The following N4BP2L2 variants were observed in gnomAD, a reference collection of about 807,000 sequenced individuals.
N4BP2L2 encodes NEDD4-binding protein 2-like 2.
A neutral mutation model predicts 56.2 loss-of-function variants in N4BP2L2; 50 were observed. The ratio of observed to expected loss-of-function variants is 0.89; its 90% CI spans 0.71 to 1.13. The LOEUF (loss-of-function observed/expected upper bound fraction) is 1.13. N4BP2L2 is among the 50% of genes most tolerant of loss of function. The probability of loss-of-function intolerance (pLI) is 0.00; values close to 1 mark genes in which losing one functional copy is unlikely to be tolerated. For missense variants in N4BP2L2, 689 were observed against 693.8 expected (o/e 0.99, Z 0.08); for synonymous variants, 203 against 223.6 (o/e 0.91, Z 0.82).
intron 6 of N4BP2L2, among the ~76,000 whole-genome samples, chr13:32,497,539 T>C (rs1262671230): frequency 6.6e-6 from 1 of 152,166 alleles, no homozygotes; most frequent in African/African-American, 2.4e-5. Flanking sequence ...TGGCCATCAC[T>C]GAAACTAAGA....
intron 9 of N4BP2L2, among the ~76,000 whole-genome samples, chr13:32,435,794 A>C (rs1300994257): frequency 6.6e-6 from 1 of 152,258 alleles, no homozygotes; most frequent in Non-Finnish European, 1.5e-5. Flanking sequence ...ATAAGTTAAA[A>C]TGAAAAAACG....
intron 3 of N4BP2L2, chr13:32,524,807 G>A (rs1372811753): frequency 6.6e-6 from 1 of 152,186 alleles, no homozygotes; most frequent in East Asian, 1.9e-4. Flanking sequence ...CTGTCACCCA[G>A]ACTGGAGTGC....
intron 6 of N4BP2L2, among the ~76,000 whole-genome samples, chr13:32,476,775 T>C (rs779180024): frequency 3.3e-5 from 5 of 152,204 alleles, no homozygotes; most frequent in Non-Finnish European, 7.3e-5. Flanking sequence ...ACATTCACTA[T>C]TTATAAAGAT....
intron 8 of N4BP2L2, chr13:32,436,440 T>C (rs374059938): frequency 7.1e-4 from 705 of 998,052 alleles, no homozygotes; most frequent in Non-Finnish European, 9.8e-4. Context: ...AAAATATTAA[T>C]ATTTGGCATT....
chr13:32,479,596 A>G (rs2084138212), intron 6 of N4BP2L2, among the ~76,000 whole-genome samples: 1 of 151,564 alleles, frequency 6.6e-6, no homozygotes, highest in Non-Finnish European at 1.5e-5. Context: ...TTATTAAAAC[A>G]ATGAAATTTT....
At chr13:32,494,939 C>T (rs1409490373) in intron 6 of N4BP2L2, among the ~76,000 whole-genome samples, 1 of 152,160 alleles carries the variant, frequency 6.6e-6, no homozygotes, top group East Asian at 1.9e-4. Context: ...AGACTTCTCC[C>T]TAAAACTGGC....
At chr13:32,472,370 G>A (rs1383167571) in intron 6 of N4BP2L2, among the ~76,000 whole-genome samples, 1 of 152,234 alleles carries the variant, frequency 6.6e-6, no homozygotes, top group Non-Finnish European at 1.5e-5. Flanking sequence ...TGGTACTGCA[G>A]AATCAGTGGC....
intron 5 of N4BP2L2, 71 bp downstream of exon 5, chr13:32,521,302 G>A: frequency 1.7e-6 from 2 of 1,177,446 alleles, no homozygotes; most frequent in African/African-American, 1.5e-5. Flanking sequence ...TCAATAAACT[G>A]TGAAAGGATG....
In N4BP2L2 at chr13:32,493,042, C is replaced by T. The variant is rs1183727378; in HGVS notation, c.365+24815G>A. On this transcript the variant is annotated intron_variant, in intron 6 of 9. Coordinates refer to the N4BP2L2 transcript ENST00000357505. ...GGTTGAAGTGATTCTCCTGCCTCAC[C>T]CTCCCGAGTAGCTGGGATTACAGGT... Among the ~76,000 whole-genome samples, 7 of 151,454 alleles carry T rather than the reference C, an allele frequency of 4.6e-5. No homozygotes were observed. The East Asian group carries it at 1.4e-3, about 29-fold the overall frequency.
chr13:32,435,851 T>C (rs1226977857), intron 9 of N4BP2L2, among the ~76,000 whole-genome samples: 2 of 152,276 alleles, frequency 1.3e-5, no homozygotes, highest in Non-Finnish European at 2.9e-5. Flanking sequence ...TGCAGACATA[T>C]ATGCACTGAA....
chr13:32,521,147 T>C (rs1256108227), intron 5 of N4BP2L2, among the ~76,000 whole-genome samples: 1 of 151,980 alleles, frequency 6.6e-6, no homozygotes, highest in Non-Finnish European at 1.5e-5. Context: ...GGGAGCAACA[T>C]GAAAGCACAA....
chr13:32,526,818 GTTTTTTTTTTT>G (rs35925361), intron 3 of N4BP2L2: 68 of 24,246 alleles, frequency 2.8e-3, no homozygotes, highest in African/African-American at 3.5e-3. Flanking sequence ...CTTTTTGTCT[GTTTTTTTTTTT>G]TTTTTTTTTT....
At chr13:32,443,426 A>T in exon 7 of N4BP2L2, 1 of 1,614,026 alleles carries the variant, frequency 6.2e-7, no homozygotes, top group South Asian at 1.1e-5. Flanking sequence ...TCTTCATCAG[A>T]TAAATTGGTT....
exon 6 of N4BP2L2, chr13:32,514,498 G>C (rs145060824): frequency 4.7e-4 from 71 of 152,182 alleles, no homozygotes; most frequent in African/African-American, 1.7e-3. Flanking sequence ...GGTTAGAATA[G>C]GGCATAGCAG....
At chr13:32,521,871 G>T in intron 4 of N4BP2L2, 1 of 312,292 alleles carries the variant, frequency 3.2e-6, no homozygotes, top group Non-Finnish European at 5.8e-6. Flanking sequence ...AGCTACTCAG[G>T]TGGCTGAGGC....
chr13:32,513,037 A>C (rs2139812432), exon 6 of N4BP2L2: 1 of 152,344 alleles, frequency 6.6e-6, no homozygotes, highest in East Asian at 1.9e-4. Flanking sequence ...GTCTCAAAAA[A>C]AAAAAAAAGA....
At chr13:32,518,369 G>A (rs1170520075) in intron 5 of N4BP2L2, among the ~76,000 whole-genome samples, 1 of 152,100 alleles carries the variant, frequency 6.6e-6, no homozygotes, top group Non-Finnish European at 1.5e-5. Flanking sequence ...TGCAAAAATT[G>A]AAGTAAAATA....
intron 6 of N4BP2L2, among the ~76,000 whole-genome samples, chr13:32,465,014 T>C (rs1255968347): frequency 1.3e-5 from 2 of 152,120 alleles, no homozygotes; most frequent in African/African-American, 4.8e-5. Context: ...TCACCGAGGA[T>C]GGAGTGCAGG....
chr13:32,476,191 G>A lies in N4BP2L2; in HGVS notation c.366-32065C>T, dbSNP rs546118851. On this transcript the variant is annotated intron_variant, in intron 6 of 9. Coordinates refer to the N4BP2L2 transcript ENST00000357505. ...CCAGAAGGGTCAGCTGACCTCAGCC[G>A]CCTTTGAAAACATTTGATGAACCAG... is the stretch of plus-strand genomic sequence containing the variant. Among the ~76,000 whole-genome samples the A allele has an allele frequency of 1.2e-4, 18 of 152,260 alleles. No homozygotes were observed. The South Asian group carries it at 2.9e-3, about 25-fold the overall frequency.
Sources: gnomAD v4.1 joint callset for allele counts (sites outside exome capture counted in the v4.1 genomes callset) on GRCh38, gnomAD v4.1.1 for gene constraint, MANE v1.5 for transcripts, NCBI Gene and HGNC (gene_info 2026-07-23, HGNC 2026-07-21) for gene names.